The following SLC44A1 variants were observed in gnomAD, a reference collection of about 807,000 sequenced individuals.
The protein encoded by SLC44A1 is solute carrier family 44 member 1.
A neutral mutation model predicts 79.3 loss-of-function variants in SLC44A1; 26 were observed. The observed-to-expected ratio is 0.33, with a 90% confidence interval of 0.24 to 0.46. The LOEUF (loss-of-function observed/expected upper bound fraction) is 0.46. Ranked by LOEUF, SLC44A1 falls within the 20% of genes least tolerant of loss-of-function variation. The probability of loss-of-function intolerance (pLI) is 1.00; values close to 1 mark genes in which losing one functional copy is unlikely to be tolerated. For missense variants in SLC44A1, 688 were observed against 798.1 expected (o/e 0.86, Z 1.66); for synonymous variants, 263 against 286.2 (o/e 0.92, Z 0.82).
At chr9:105,304,974 T>TTTTTTTTTTTG (rs1830986538) in intron 2 of SLC44A1, among the ~76,000 whole-genome samples, 1 of 115,450 alleles carries the variant, frequency 8.7e-6, no homozygotes, top group South Asian at 3.2e-4. Context: ...TTTTTTTTTT[T>TTTTTTTTTTTG]TTTTTTTTTT....
intron 1 of SLC44A1, among the ~76,000 whole-genome samples, chr9:105,293,555 G>T (rs1830651500): frequency 6.6e-6 from 1 of 152,136 alleles, no homozygotes; most frequent in Non-Finnish European, 1.5e-5. Context: ...TGCCAGCCTG[G>T]CCTAATTCTG....
chr9:105,286,259 C>T lies in SLC44A1; in HGVS notation c.37-12961C>T, dbSNP rs536026770. ...GATATGCTAACCACAGTAAACAGAG[C>T]GCAGCAAAGTGTCATGGGTCCTGGC... On this transcript the variant is annotated intron_variant, in intron 1 of 15. Transcript: ENST00000374720. 1.1e-4 allele frequency among the ~76,000 whole-genome samples: 16 copies of T among 152,278 alleles called. No homozygotes were observed. The South Asian group carries it at 3.1e-3, about 30-fold the overall frequency.
chr9:105,436,085 C>A (rs1420116354), intron 15 of SLC44A1, among the ~76,000 whole-genome samples: 1 of 152,224 alleles, frequency 6.6e-6, no homozygotes, highest in Admixed American at 6.5e-5. Context: ...GTAATCCCAG[C>A]TACCCAGGAG....
intron 4 of SLC44A1, among the ~76,000 whole-genome samples, chr9:105,337,173 T>C (rs574440629): frequency 6.6e-6 from 1 of 152,222 alleles, no homozygotes; most frequent in East Asian, 1.9e-4. Flanking sequence ...TTCCAGAATT[T>C]TAGACAATGT....
intron 15 of SLC44A1, among the ~76,000 whole-genome samples, chr9:105,424,329 A>T (rs1829292255): frequency 6.6e-6 from 1 of 152,188 alleles, no homozygotes; most frequent in Non-Finnish European, 1.5e-5. Context: ...CTTCCTAAGG[A>T]TGGATACTGG....
intron 5 of SLC44A1, among the ~76,000 whole-genome samples, chr9:105,349,476 T>G (rs1827338534): frequency 6.6e-6 from 1 of 152,222 alleles, no homozygotes; most frequent in African/African-American, 2.4e-5. Context: ...CTCATTAATC[T>G]TGTCAAGTTG....
intron 1 of SLC44A1, among the ~76,000 whole-genome samples, chr9:105,271,499 G>A (rs929432032): frequency 2.6e-5 from 4 of 152,204 alleles, no homozygotes; most frequent in Admixed American, 1.3e-4. Flanking sequence ...GGAATGGTAC[G>A]AGCAAACACA....
At chr9:105,295,361 A>G (rs574491459) in intron 1 of SLC44A1, among the ~76,000 whole-genome samples, 1 of 152,324 alleles carries the variant, frequency 6.6e-6, no homozygotes, top group Admixed American at 6.5e-5. Context: ...GAGACCTAAC[A>G]TTTACTGAAA....
At chr9:105,370,029 C>T (rs187203750) in intron 12 of SLC44A1, among the ~76,000 whole-genome samples, 1 of 152,308 alleles carries the variant, frequency 6.6e-6, no homozygotes, top group Admixed American at 6.5e-5. Context: ...AAATGTTGAG[C>T]GTGGGCTAAA....
chr9:105,317,650 G>C (rs1486869262), intron 3 of SLC44A1, among the ~76,000 whole-genome samples: 1 of 152,132 alleles, frequency 6.6e-6, no homozygotes. Context: ...TAGTGTGGTT[G>C]AGTCTACAGG....
chr9:105,401,525 AT>A (rs774566099), downstream of SLC44A1, among the ~76,000 whole-genome samples: 12 of 152,186 alleles, frequency 7.9e-5, no homozygotes, highest in Non-Finnish European at 1.5e-4. Context: ...ATCTAAATGG[AT>A]TTAGGATTTT....
chr9:105,365,753 T>G (rs1827921307), intron 11 of SLC44A1, 114 bp downstream of exon 11: 1 of 1,106,496 alleles, frequency 9.0e-7, no homozygotes, highest in Non-Finnish European at 1.3e-6. Context: ...TTCAAAGTCT[T>G]TACAAGGCAA....
chr9:105,394,509 CA>C lies in SLC44A1; in HGVS notation c.*5466del, dbSNP rs58361552. 455,890 of 923,230 alleles carry C rather than the reference CA, an allele frequency of 0.49. 49,943 individuals are homozygous for C. Among genetic ancestry groups the C allele is most frequent in the East Asian group, 0.77 (6,334 of 8,218 alleles). 57.2% of individuals were successfully genotyped at this position (923,230 alleles called of 1,614,324 possible). On this transcript the variant is annotated 3_prime_UTR_variant, in exon 16 of 16. Transcript: ENST00000374720. ...AGGTACCAGATTATTTGCAGTGAGC[CA>C]AAAAAAAAAAAATATCCAAGAAGAA...
intron 15 of SLC44A1, chr9:105,385,929 C>T (rs963019909): frequency 1.0e-6 from 1 of 985,190 alleles, no homozygotes; most frequent in African/African-American, 1.7e-5. Flanking sequence ...AAAATTCATA[C>T]TCCCCCTTTT....
intron 1 of SLC44A1, among the ~76,000 whole-genome samples, chr9:105,251,306 C>T (rs115358179): frequency 0.015 from 2,235 of 152,214 alleles, 56 homozygotes; most frequent in African/African-American, 0.05. Flanking sequence ...CTGCCTCTCA[C>T]TCTTCTATAT....
At chr9:105,418,053 C>T (rs180738065) in intron 15 of SLC44A1, among the ~76,000 whole-genome samples, 127 of 151,936 alleles carry the variant, frequency 8.4e-4, no homozygotes, top group African/African-American at 2.8e-3. Context: ...CGGTGGCTCA[C>T]GCCTGTAATC....
rs35324360 is a variant in SLC44A1 at position 105,336,134 on chromosome 9, A to ATGTGTGTGTG, written c.406+455_406+464dup. ...TACATACATATGTGTGTGTGTGTGC[A>ATGTGTGTGTG]TGTGTGTGTGTGTGTGTGTGTGTGT... is the stretch of plus-strand genomic sequence containing the variant. On this transcript the variant is annotated intron_variant, in intron 4 of 15. Coordinates refer to ENST00000374720, the MANE Select transcript of SLC44A1 (RefSeq NM_080546.5). Among the ~76,000 whole-genome samples the ATGTGTGTGTG allele has an allele frequency of 4.7e-3, 678 of 145,068 alleles. 7 individuals carry two copies. Among genetic ancestry groups the ATGTGTGTGTG allele is most frequent in the African/African-American group, 0.016 (640 of 40,198 alleles).
chr9:105,424,923 T>G (rs1829299887), intron 15 of SLC44A1, among the ~76,000 whole-genome samples: 1 of 141,620 alleles, frequency 7.1e-6, no homozygotes, highest in Non-Finnish European at 1.5e-5. Context: ...CACTCCAGCC[T>G]GGGCAACAGA....
chr9:105,314,997 G>A (rs936444363), intron 3 of SLC44A1, among the ~76,000 whole-genome samples: 5 of 152,170 alleles, frequency 3.3e-5, no homozygotes, highest in African/African-American at 7.2e-5. Context: ...GGTGCTCTTC[G>A]CATCATACAC....
Sources: allele counts gnomAD v4.1 joint callset (sites outside exome capture counted in the v4.1 genomes callset), GRCh38; gene constraint gnomAD v4.1.1; transcripts MANE v1.5; gene names NCBI Gene and HGNC (gene_info 2026-07-23, HGNC 2026-07-21).